LIPA: variants seen among roughly 807,000 people sequenced by gnomAD.
The protein encoded by LIPA is lipase A, lysosomal acid type, also known as lysosomal acid lipase/cholesteryl ester hydrolase.
A neutral mutation model predicts 40.6 loss-of-function variants in LIPA; 26 were observed. The observed-to-expected ratio is 0.64, with a 90% CI of 0.47 to 0.89. The LOEUF is 0.89. Among genes scored for constraint, LIPA ranks in the 40% least tolerant of loss-of-function variants. LIPA has a pLI of 0.00. For missense variants in LIPA, 455 were observed against 479.6 expected (o/e 0.95, Z 0.48); for synonymous variants, 188 against 168.4 (o/e 1.12, Z -0.90).
intron 1 of LIPA, among the ~76,000 whole-genome samples, chr10:89,319,239 A>AC: frequency 6.6e-6 from 1 of 152,192 alleles, no homozygotes; most frequent in Non-Finnish European, 1.5e-5. Context: ...AGATAGAGAC[A>AC]AAAAACCCTT....
At chr10:89,373,793 TA>T (rs1478255599) in intron 2 of LIPA, among the ~76,000 whole-genome samples, 1 of 152,174 alleles carries the variant, frequency 6.6e-6, no homozygotes, top group African/African-American at 2.4e-5. Flanking sequence ...CTGGACATGT[TA>T]AAAGGCAAGT....
chr10:89,316,425 C>T (rs758139739), intron 1 of LIPA, among the ~76,000 whole-genome samples: 1 of 152,240 alleles, frequency 6.6e-6, no homozygotes, highest in Non-Finnish European at 1.5e-5. Flanking sequence ...TTATATCCTG[C>T]TCCTGGCTCA....
chr10:89,375,984 C>G (rs1029126562), intron 2 of LIPA, among the ~76,000 whole-genome samples: 1 of 151,706 alleles, frequency 6.6e-6, no homozygotes, highest in Non-Finnish European at 1.5e-5. Flanking sequence ...GTCAGGAGTT[C>G]GAAACCAGGA....
intron 1 of LIPA, among the ~76,000 whole-genome samples, chr10:89,250,081 C>CTTTTT (rs1441973253): frequency 8.3e-6 from 1 of 120,358 alleles, no homozygotes; most frequent in Non-Finnish European, 1.7e-5. Context: ...TTTCTTTTTT[C>CTTTTT]TTTTTCTTTT....
At chr10:89,397,008 G>A (rs561368575) in intron 2 of LIPA, among the ~76,000 whole-genome samples, 31 of 152,148 alleles carry the variant, frequency 2.0e-4, no homozygotes, top group Non-Finnish European at 4.1e-4. Context: ...AAATATATAA[G>A]GATTTGGTTC....
chr10:89,225,146 GGCGACGGAA>G lies in LIPA; in HGVS notation c.612_620del (p.Ser205_Ala207del). 6.2e-7 allele frequency: 1 copy of G among 1,614,194 alleles called. No homozygotes were observed. The highest frequency in any genetic ancestry group is 2.2e-5 in the East Asian group (1 of 44,878). ...ATTTGGCCATAGGGCTAGTACAGAAGGCGACGGAAGCCACAGGACCCAGGGCAAAAAACA... is the reference window on the plus strand; with the variant it reads ...ATTTGGCCATAGGGCTAGTACAGAAGGCCACAGGACCCAGGGCAAAAAACA... On this transcript the variant is annotated inframe_deletion, in exon 6 of 10. Transcript: ENST00000336233.
chr10:89,245,647 G>A (rs1843013471), intron 3 of LIPA, 29 bp downstream of exon 3: 2 of 1,128,538 alleles, frequency 1.8e-6, no homozygotes. Context: ...GAAGAATTCT[G>A]GTTTTTACTT....
At chr10:89,367,903 C>T (rs1036737988) in intron 2 of LIPA, among the ~76,000 whole-genome samples, 27 of 152,228 alleles carry the variant, frequency 1.8e-4, no homozygotes, top group African/African-American at 6.3e-4. Flanking sequence ...GATGCAGCCT[C>T]GAACTCTTGG....
At chr10:89,389,061 A>G (rs538667367) in intron 2 of LIPA, among the ~76,000 whole-genome samples, 20 of 152,364 alleles carry the variant, frequency 1.3e-4, no homozygotes, top group Admixed American at 5.9e-4. Flanking sequence ...CAGAACACTG[A>G]GAATTACATT....
chr10:89,383,871 T>A, intron 2 of LIPA: 1 of 1,614,216 alleles, frequency 6.2e-7, no homozygotes, highest in Non-Finnish European at 8.5e-7. Flanking sequence ...TCACCGTCTA[T>A]CGCCTGGATA....
chr10:89,246,980 A>G (rs983440178), intron 2 of LIPA, among the ~76,000 whole-genome samples: 3 of 152,226 alleles, frequency 2.0e-5, no homozygotes, highest in Non-Finnish European at 4.4e-5. Context: ...ATAAAAAATC[A>G]TAATTTATCT....
intron 1 of LIPA, among the ~76,000 whole-genome samples, chr10:89,304,022 A>G (rs967324413): frequency 6.6e-6 from 1 of 152,220 alleles, no homozygotes; most frequent in Non-Finnish European, 1.5e-5. Flanking sequence ...TCCTGGGGTC[A>G]CTACAGTCCT....
At chr10:89,249,264 G>A (rs1843079743) in intron 1 of LIPA, among the ~76,000 whole-genome samples, 1 of 152,156 alleles carries the variant, frequency 6.6e-6, no homozygotes, top group Non-Finnish European at 1.5e-5. Flanking sequence ...CTTGGTTTCT[G>A]GCAGTGATGA....
rs771411816 is a variant in LIPA, at chr10:89,339,681, A to G, written c.-2+2930T>C. On this transcript the variant is annotated intron_variant, in intron 1 of 5. Transcript: ENST00000282673. ...ATCTCGCTGAGTTCCTGGAGACGGA[A>G]TGTTATCAGACACCATTCAATAAGG... 13 of 1,614,240 alleles carry G rather than the reference A, an allele frequency of 8.1e-6. No individual in the cohort carries two copies. In the Admixed American group the frequency reaches 2.2e-4, roughly 27 times the overall value.
chr10:89,405,191 T>A (rs150268989), intron 2 of LIPA: 4 of 152,306 alleles, frequency 2.6e-5, no homozygotes, highest in African/African-American at 9.6e-5. Flanking sequence ...TGTGAAAGGG[T>A]TCCAAGGAGT....
chr10:89,353,406 C>T (rs1427821287), intron 2 of LIPA, among the ~76,000 whole-genome samples: 7 of 152,188 alleles, frequency 4.6e-5, no homozygotes, highest in Non-Finnish European at 8.8e-5. Flanking sequence ...GCCCCAGCCC[C>T]TCCCAAGTGC....
At chr10:89,264,959 G>A (rs1843227648) in intron 1 of LIPA, among the ~76,000 whole-genome samples, 1 of 152,170 alleles carries the variant, frequency 6.6e-6, no homozygotes, top group South Asian at 2.1e-4. Flanking sequence ...CCCATGCTAA[G>A]CAACCCTCAG....
intron 1 of LIPA, among the ~76,000 whole-genome samples, chr10:89,327,377 C>T (rs1233087341): frequency 2.6e-5 from 4 of 152,076 alleles, no homozygotes; most frequent in Non-Finnish European, 4.4e-5. Context: ...ATGGCGAAAC[C>T]TCGTCTCTAC....
At chr10:89,339,267 T>C (rs1361571254) in intron 1 of LIPA, 1 of 1,614,240 alleles carries the variant, frequency 6.2e-7, no homozygotes, top group Admixed American at 1.7e-5. Flanking sequence ...AGCTGAGTCC[T>C]GATAACCAAT....
Sources: allele counts gnomAD v4.1 joint callset (sites outside exome capture counted in the v4.1 genomes callset), GRCh38; gene constraint gnomAD v4.1.1; transcripts MANE v1.5; gene names NCBI Gene and HGNC (gene_info 2026-07-23, HGNC 2026-07-21).